The following C19orf12 variants were observed in gnomAD, a reference collection of about 807,000 sequenced individuals.
C19orf12 encodes chromosome 19 open reading frame 12, also known as protein C19orf12.
In C19orf12, 2 loss-of-function variants were observed where a neutral mutation model predicts 3.8. That is an observed-to-expected ratio of 0.53 (90% confidence interval 0.22 to 1.66). The LOEUF is 1.66. Ranked by LOEUF, C19orf12 falls within the 40% of genes most tolerant of loss-of-function variation. C19orf12 has a pLI of 0.20. For missense variants in C19orf12, 156 were observed against 188.8 expected (o/e 0.83, Z 1.02); for synonymous variants, 89 against 84.6 (o/e 1.05, Z -0.28).
Position 29,715,125 on chromosome 19 carries a change from C to T in C19orf12, c.-11G>A. On this transcript the variant is annotated splice_region_variant and 5_prime_UTR_variant, in exon 1 of 3. Coordinates refer to ENST00000323670, the MANE Select transcript of C19orf12 (RefSeq NM_031448.6). ...GCCCCGGCTCCGGGCGCTCCTTTAC[C>T]TGGGGGAGCGGAGGTCTACGCGGCG... 1.6e-6 allele frequency: 1 copy of T among 606,428 alleles called. No homozygotes were observed. The highest frequency in any genetic ancestry group is 1.8e-5 in the South Asian group (1 of 56,238). 37.6% of individuals were successfully genotyped at this position (606,428 alleles called of 1,614,324 possible).
chr19:29,708,706 C>T (rs1332329145), intron 1 of C19orf12: 8 of 466,842 alleles, frequency 1.7e-5, no homozygotes, highest in Non-Finnish European at 3.2e-5. Context: ...AGCAACCCGG[C>T]CACATGTTCT....
At chr19:29,708,012 C>A (rs1972469482) in intron 2 of C19orf12, among the ~76,000 whole-genome samples, 1 of 151,940 alleles carries the variant, frequency 6.6e-6, no homozygotes, top group Admixed American at 6.6e-5. Context: ...GCTGGGATTA[C>A]ATACACCAGA....
rs767675471 is a variant in C19orf12 at position 29,701,527 on chromosome 19, A to G, written c.*1185T>C. ...CAATTTCTTTTTTCAAATATTTCCT[A>G]TCCAAGGCTGGTTGGATCTAAATGT... On this transcript the variant is annotated 3_prime_UTR_variant, in exon 3 of 3. Transcript: ENST00000323670. 3 of 454,166 alleles carry G rather than the reference A, an allele frequency of 6.6e-6. No homozygotes were observed. The highest frequency in any genetic ancestry group is 2.3e-5 in the Admixed American group (1 of 42,574). The allele number at this position is 454,166 out of a possible 1,614,324, so 28.1% of individuals were successfully genotyped here. A position where few individuals can be genotyped will look rare whatever the true frequency, so the allele number is the denominator to read the frequency against.
Position 29,715,190 on chromosome 19 carries a change from G to A in C19orf12, c.-76C>T, listed in dbSNP as rs1476253253. ...ACGCGGCTGCAGCCCGGGCCTGGCA[G>A]GCCCCGGGCTCCCCGCCCAGCTCCC... On this transcript the variant is annotated 5_prime_UTR_variant, in exon 1 of 3. Transcript: ENST00000323670. 6.1e-6 allele frequency: 3 copies of A among 491,972 alleles called. No individual in the cohort carries two copies. Among genetic ancestry groups the A allele is most frequent in the Non-Finnish European group, 1.1e-5 (3 of 272,046 alleles). 30.5% of individuals were successfully genotyped at this position (491,972 alleles called of 1,614,324 possible).
rs748177339 is a variant in C19orf12 at position 29,701,425 on chromosome 19, C to T, written c.*1287G>A. Reference sequence around the variant, plus strand: ...TATAATACCAAATACAATATAAATGCTATGTAAATATGCTACACCATATTG... The same window carrying T: ...TATAATACCAAATACAATATAAATGTTATGTAAATATGCTACACCATATTG... On this transcript the variant is annotated 3_prime_UTR_variant, in exon 3 of 3. Coordinates refer to ENST00000323670, the MANE Select transcript of C19orf12 (RefSeq NM_031448.6). The T allele has an allele frequency of 2.2e-6, 1 of 454,060 alleles. No individual in the cohort carries two copies. Among genetic ancestry groups the T allele is most frequent in the South Asian group, 1.6e-5 (1 of 64,470 alleles). The allele number at this position is 454,060 out of a possible 1,614,324, so 28.1% of individuals were successfully genotyped here. A position where few individuals can be genotyped will look rare whatever the true frequency, so the allele number is the denominator to read the frequency against.
At chr19:29,707,781 T>A (rs12974748) in intron 2 of C19orf12, among the ~76,000 whole-genome samples, 74,650 of 151,902 alleles carry the variant, frequency 0.49, 21,487 homozygotes, top group African/African-American at 0.78. Flanking sequence ...CCCAGAGGCA[T>A]CTTTAACTCC....
chr19:29,711,019 T>C (rs372457670), intron 1 of C19orf12, among the ~76,000 whole-genome samples: 24 of 145,186 alleles, frequency 1.7e-4, no homozygotes, highest in African/African-American at 5.4e-4. Context: ...GATAGCTAGA[T>C]AGAGATATAC....
intron 1 of C19orf12, 108 bp downstream of exon 1, chr19:29,715,017 C>G (rs1568339219): frequency 5.6e-6 from 4 of 709,178 alleles, no homozygotes; most frequent in East Asian, 2.7e-5. Flanking sequence ...GGCGGGGACC[C>G]TCTCCCCAAG....
At chr19:29,705,390 G>A (rs989874461) in intron 2 of C19orf12, 12 of 284,782 alleles carry the variant, frequency 4.2e-5, no homozygotes, top group African/African-American at 2.6e-4. Context: ...GTCTTAGACT[G>A]GATCCTGAAA....
At chr19:29,706,246 G>C (rs1972374373) in intron 2 of C19orf12, among the ~76,000 whole-genome samples, 2 of 152,248 alleles carry the variant, frequency 1.3e-5, no homozygotes, top group Admixed American at 1.3e-4. Context: ...AATGCTCCAA[G>C]TCGACAAGAG....
chr19:29,710,348 G>GC (rs1568334454), intron 1 of C19orf12, among the ~76,000 whole-genome samples: 2 of 152,164 alleles, frequency 1.3e-5, no homozygotes, highest in African/African-American at 4.8e-5. Context: ...CTGCGCTCCT[G>GC]CCCCTGTAAA....
chr19:29,706,341 C>T (rs573791666), intron 2 of C19orf12, among the ~76,000 whole-genome samples: 27 of 152,336 alleles, frequency 1.8e-4, no homozygotes, highest in African/African-American at 5.8e-4. Context: ...CCAGGAATAT[C>T]GACCAGCAAA....
chr19:29,711,776 C>A (rs114930005), intron 1 of C19orf12, among the ~76,000 whole-genome samples: 2,027 of 152,180 alleles, frequency 0.013, 36 homozygotes, highest in African/African-American at 0.044. Flanking sequence ...GCTTCCCCCC[C>A]CAAAAAAAAC....
intron 2 of C19orf12, among the ~76,000 whole-genome samples, chr19:29,704,956 C>T (rs1224737089): frequency 2.6e-5 from 4 of 152,212 alleles, no homozygotes; most frequent in Non-Finnish European, 5.9e-5. Context: ...AGCTTTAAAA[C>T]ATCTCACGAT....
At chr19:29,715,774 G>C (rs1297557041), upstream of C19orf12, 3 of 153,688 alleles carry the variant, frequency 2.0e-5, no homozygotes, top group African/African-American at 7.2e-5. Context: ...GTTGCAAAAG[G>C]AGAAGCAGGT....
chr19:29,701,092 C>T lies in C19orf12; in HGVS notation c.*1620G>A. ...TTCTTTAAAGCCACAAATCTGGTAC[C>T]TTCCCTCTTGTTCCATTTGTAAGAC... On this transcript the variant is annotated 3_prime_UTR_variant, in exon 3 of 3. Transcript: ENST00000323670. 2.2e-6 allele frequency: 1 copy of T among 454,168 alleles called. No individual in the cohort carries two copies. The highest frequency in any genetic ancestry group is 4.4e-6 in the Non-Finnish European group (1 of 226,806). 28.1% of individuals were successfully genotyped at this position (454,168 alleles called of 1,614,324 possible).
chr19:29,700,227 C>T lies in C19orf12; in HGVS notation c.*2485G>A. 2.2e-6 allele frequency: 1 copy of T among 454,102 alleles called. No individual in the cohort carries two copies. The allele number at this position is 454,102 out of a possible 1,614,324, so 28.1% of individuals were successfully genotyped here. ...GATGCACGAGTAAGAATGAATGGGG[C>T]CCAATCGCCTAACAAAGGCAACTCA... On this transcript the variant is annotated 3_prime_UTR_variant, in exon 3 of 3. Transcript: ENST00000323670.
Position 29,703,186 on chromosome 19 carries a change from G to A in C19orf12, c.161-209C>T, listed in dbSNP as rs1972206275. Among the ~76,000 whole-genome samples, 3 of 152,012 alleles carry A rather than the reference G, an allele frequency of 2.0e-5. No homozygotes were observed. In the South Asian group the frequency reaches 6.2e-4, roughly 32 times the overall value. Reference sequence around the variant, plus strand: ...TTCTGTCCATTTGGCTCAGATAATTGACACCCAACATGCATTCCCTGGGCT... The same window carrying A: ...TTCTGTCCATTTGGCTCAGATAATTAACACCCAACATGCATTCCCTGGGCT... On this transcript the variant is annotated intron_variant, in intron 2 of 2. Transcript: ENST00000323670.
In C19orf12 at chr19:29,701,005, C is replaced by T. The variant is rs565788338; in HGVS notation, c.*1707G>A. 2 of 454,144 alleles carry T rather than the reference C, an allele frequency of 4.4e-6. No homozygotes were observed. Among genetic ancestry groups the T allele is most frequent in the Admixed American group, 4.7e-5 (2 of 42,580 alleles). 28.1% of individuals were successfully genotyped at this position (454,144 alleles called of 1,614,324 possible). ...CTCTTGGCCTCAAGCGATCCTCCCA[C>T]TTTGGCCTCCAAAAGTGCCGACATT... is the stretch of plus-strand genomic sequence containing the variant. On this transcript the variant is annotated 3_prime_UTR_variant, in exon 3 of 3. Coordinates refer to ENST00000323670, the MANE Select transcript of C19orf12 (RefSeq NM_031448.6).
Sources: allele counts gnomAD v4.1 joint callset (sites outside exome capture counted in the v4.1 genomes callset), GRCh38; gene constraint gnomAD v4.1.1; transcripts MANE v1.5; gene names NCBI Gene and HGNC (gene_info 2026-07-23, HGNC 2026-07-21).